Variants in RNF6 observed in about 807,000 individuals in gnomAD.
The protein encoded by RNF6 is E3 ubiquitin-protein ligase RNF6.
RNF6 carries 21 observed loss-of-function variants against 50.1 expected under a neutral mutation model. That is an observed-to-expected ratio of 0.42 (90% confidence interval 0.30 to 0.60). RNF6 has a LOEUF of 0.60. RNF6 is among the 20% of genes least tolerant of loss of function. The probability of loss-of-function intolerance (pLI) is 0.20; values close to 1 mark genes in which losing one functional copy is unlikely to be tolerated. For missense variants in RNF6, 698 were observed against 838.2 expected, an observed-to-expected ratio of 0.83 and a Z score of 2.07; for synonymous variants, 255 against 291.8, an observed-to-expected ratio of 0.87 and a Z score of 1.29.
chr13:26,171,712 T>C (rs981831561), intron 5 of RNF6, among the ~76,000 whole-genome samples: 1 of 152,176 alleles, frequency 6.6e-6, no homozygotes, highest in Non-Finnish European at 1.5e-5. Flanking sequence ...GATTCAGTCT[T>C]AAAAAGGAAT....
intron 5 of RNF6, among the ~76,000 whole-genome samples, chr13:26,202,380 G>C (rs774115771): frequency 6.6e-6 from 1 of 152,146 alleles, no homozygotes; most frequent in Non-Finnish European, 1.5e-5. Flanking sequence ...CAGATTATTG[G>C]CAATAGGAGA....
chr13:26,202,122 C>A (rs1315238180), intron 5 of RNF6, among the ~76,000 whole-genome samples: 3 of 152,164 alleles, frequency 2.0e-5, no homozygotes, highest in African/African-American at 7.2e-5. Context: ...AGAACCGAGG[C>A]CTGTTTCAGG....
rs1181604846 is a variant in RNF6 at position 26,213,692 on chromosome 13, C to T, written c.*132G>A. ...TCTTTTTAACAAGTTTAAAAAAGCA[C>T]ACGAAAAATAGTTCAAACTATATAT... On this transcript the variant is annotated 3_prime_UTR_variant, in exon 5 of 5. Transcript: ENST00000381588. 6 of 569,710 alleles carry T rather than the reference C, an allele frequency of 1.1e-5. No homozygotes were observed. The highest frequency in any genetic ancestry group is 1.6e-5 in the Non-Finnish European group (6 of 364,940). 35.3% of individuals were successfully genotyped at this position (569,710 alleles called of 1,614,324 possible).
Position 26,214,015 on chromosome 13 carries a change from T to A in RNF6, c.1867A>T (p.Ser623Cys). 1 of 1,614,224 alleles carries A rather than the reference T, an allele frequency of 6.2e-7. No individual in the cohort carries two copies. Among genetic ancestry groups the A allele is most frequent in the Non-Finnish European group, 8.5e-7 (1 of 1,180,034 alleles). ...ATTTTACCTAGTTCACTATCAATAC[T>A]GTTATGCTCATAGTGCCTGGTGGAA... ...NLSTRHYEHN[S>C]IDSELGKICS... The change falls in exon 5 of 5, where the codon AGT becomes TGT. Residue 623 changes from serine (S) to cysteine (C), a missense_variant. Transcript: ENST00000381588.
intron 2 of RNF6, 24 bp from the exon 3 acceptor site, chr13:26,219,691 T>G (rs774500514): frequency 6.3e-7 from 1 of 1,591,390 alleles, no homozygotes; most frequent in Admixed American, 1.7e-5. Context: ...ATAAACAACA[T>G]TCAAGGTGTT....
chr13:26,167,308 C>A (rs1443855252), intron 5 of RNF6, among the ~76,000 whole-genome samples: 2 of 152,076 alleles, frequency 1.3e-5, no homozygotes, highest in African/African-American at 4.8e-5. Flanking sequence ...ATGCATCTGA[C>A]AAAAGTCTAA....
intron 5 of RNF6, among the ~76,000 whole-genome samples, chr13:26,196,917 CA>C (rs1161538371): frequency 6.6e-6 from 1 of 151,738 alleles, no homozygotes; most frequent in Non-Finnish European, 1.5e-5. Context: ...GTATAGAAAT[CA>C]AAGATATGAT....
intron 5 of RNF6, among the ~76,000 whole-genome samples, chr13:26,201,181 C>T (rs1396722589): frequency 6.6e-6 from 1 of 152,120 alleles, no homozygotes; most frequent in Non-Finnish European, 1.5e-5. Flanking sequence ...GCACTGAGTC[C>T]AGCAAATTAT....
chr13:26,152,936 T>G (rs1871698334), intron 5 of RNF6, among the ~76,000 whole-genome samples: 1 of 151,906 alleles, frequency 6.6e-6, no homozygotes, highest in African/African-American at 2.4e-5. Context: ...GGGCGGATCA[T>G]GAGGTCAGGA....
intron 4 of RNF6, 59 bp from the exon 5 acceptor site, chr13:26,215,651 T>C (rs1421620693): frequency 2.1e-6 from 3 of 1,395,760 alleles, no homozygotes; most frequent in East Asian, 2.3e-5. Context: ...TACAGCTTTA[T>C]TGAAAACTTG....
intron 5 of RNF6, among the ~76,000 whole-genome samples, chr13:26,133,859 T>C (rs770269012): frequency 1.3e-5 from 2 of 152,232 alleles, no homozygotes; most frequent in Non-Finnish European, 2.9e-5. Context: ...GACTGTATTT[T>C]TTCATTCAGT....
chr13:26,218,282 C>T (rs1319426630), intron 4 of RNF6, among the ~76,000 whole-genome samples: 1 of 152,152 alleles, frequency 6.6e-6, no homozygotes, highest in African/African-American at 2.4e-5. Context: ...TATATTATTA[C>T]ATAAAGCTCT....
chr13:26,178,490 A>T (rs1271400057), intron 5 of RNF6, among the ~76,000 whole-genome samples: 1 of 118,362 alleles, frequency 8.4e-6, no homozygotes, highest in Non-Finnish European at 1.7e-5. Flanking sequence ...GGGGATTAGC[A>T]TTTCAACATG....
rs766067436 is a variant in RNF6 at position 26,198,109 on chromosome 13, AG to A, written n.768+17364del. Reference sequence around the variant, plus strand: ...AATATGTATGTGTGTGTAGTACGAAAGTATATGTGTGTGTGTGTGTATATAT... The same window carrying A: ...AATATGTATGTGTGTGTAGTACGAAATATATGTGTGTGTGTGTGTATATAT... On this transcript the variant is annotated intron_variant and non_coding_transcript_variant, in intron 5 of 5. Coordinates refer to the RNF6 transcript ENST00000468480. Among the ~76,000 whole-genome samples, 9 of 120,098 alleles carry A rather than the reference AG, an allele frequency of 7.5e-5. No individual in the cohort carries two copies. The East Asian group carries it at 2.2e-3, about 29-fold the overall frequency. The allele number at this position is 120,098 out of a possible 152,430, so 78.8% of individuals were successfully genotyped here.
chr13:26,193,812 G>C (rs1868554922), intron 5 of RNF6, among the ~76,000 whole-genome samples: 1 of 152,166 alleles, frequency 6.6e-6, no homozygotes, highest in Non-Finnish European at 1.5e-5. Context: ...ACAAATGGAA[G>C]GGTTGATCTT....
intron 5 of RNF6, among the ~76,000 whole-genome samples, chr13:26,140,286 C>T (rs1426361066): frequency 6.6e-6 from 1 of 152,154 alleles, no homozygotes; most frequent in South Asian, 2.1e-4. Flanking sequence ...ATGAACGATT[C>T]GTGAATTGGA....
chr13:26,141,419 C>T (rs528905755), intron 5 of RNF6, among the ~76,000 whole-genome samples: 1 of 81,492 alleles, frequency 1.2e-5, no homozygotes, highest in African/African-American at 4.0e-5. Context: ...CAGAGCAAGA[C>T]TCTGTCAAAA....
intron 5 of RNF6, among the ~76,000 whole-genome samples, chr13:26,159,793 AG>A (rs1437300208): frequency 2.0e-5 from 3 of 152,314 alleles, no homozygotes; most frequent in African/African-American, 7.2e-5. Context: ...AATTTGGTAA[AG>A]CAACACTCAT....
chr13:26,176,517 A>G (rs534430040), intron 5 of RNF6, among the ~76,000 whole-genome samples: 20 of 152,350 alleles, frequency 1.3e-4, no homozygotes, highest in African/African-American at 4.8e-4. Context: ...AGATATGTTG[A>G]CATCCTGACC....
Sources: gnomAD v4.1 joint callset for allele counts (sites outside exome capture counted in the v4.1 genomes callset) on GRCh38, gnomAD v4.1.1 for gene constraint, MANE v1.5 for transcripts, NCBI Gene and HGNC (gene_info 2026-07-23, HGNC 2026-07-21) for gene names.